The following CCSER2 variants were observed in gnomAD, a reference collection of about 807,000 sequenced individuals.
The protein encoded by CCSER2 is serine-rich coiled-coil domain-containing protein 2.
Under a neutral mutation model 92.3 loss-of-function variants are expected in CCSER2, and 46 were observed. The ratio of observed to expected loss-of-function variants is 0.50; its 90% CI spans 0.39 to 0.64. The LOEUF is 0.64. Ranked by LOEUF, CCSER2 falls within the 30% of genes least tolerant of loss-of-function variation. The pLI, the probability that CCSER2 is intolerant of heterozygous loss-of-function variation, is 0.00. For synonymous variants in CCSER2, 433 were observed against 431.4 expected (o/e 1.00, Z -0.04); for missense variants, 1,244 against 1,238.9 (o/e 1.00, Z -0.06).
chr10:84,376,126 A>G (rs565465144), intron 3 of CCSER2, among the ~76,000 whole-genome samples: 1 of 152,054 alleles, frequency 6.6e-6, no homozygotes. Flanking sequence ...TTCTGATGCA[A>G]TCTCCTAATC....
At position 84,474,831 on chromosome 10, in the gene CCSER2, T is replaced by A. The variant is rs1383558140; in HGVS notation, c.2236-2744T>A. 2.0e-5 allele frequency among the ~76,000 whole-genome samples: 3 copies of A among 152,218 alleles called. No homozygotes were observed. In the East Asian group the frequency reaches 5.8e-4, roughly 29 times the overall value. The stretch of plus-strand genomic sequence containing the variant: ...ACCCAGTGTAAATCAGTGCATATCT[T>A]ATGATGTTTTAAGTTCCGAGTAAAA... On this transcript the variant is annotated intron_variant, in intron 8 of 9. Coordinates refer to ENST00000372088, the MANE Select transcript of CCSER2 (RefSeq NM_001284240.2).
chr10:84,481,754 A>G (rs940730193), intron 9 of CCSER2, among the ~76,000 whole-genome samples: 3 of 152,082 alleles, frequency 2.0e-5, no homozygotes, highest in Admixed American at 6.5e-5. Context: ...TAAGGGGTCT[A>G]TCTTCTGCTT....
At chr10:84,391,784 T>TA (rs921510592) in intron 3 of CCSER2, 11 of 1,566,302 alleles carry the variant, frequency 7.0e-6, no homozygotes, top group African/African-American at 1.4e-5. Flanking sequence ...CTGAGAAACA[T>TA]AAGAGACAAT....
At chr10:84,465,790 G>T (rs1178449778) in intron 7 of CCSER2, among the ~76,000 whole-genome samples, 1 of 150,206 alleles carries the variant, frequency 6.7e-6, no homozygotes, top group Non-Finnish European at 1.5e-5. Context: ...TTGCTCTGTT[G>T]CCTAGGCTGG....
intron 3 of CCSER2, among the ~76,000 whole-genome samples, chr10:84,394,507 A>G (rs17103423): frequency 0.021 from 3,254 of 151,886 alleles, 94 homozygotes; most frequent in Admixed American, 0.073. Context: ...CCAGTTGGCC[A>G]AGGAAATTAG....
chr10:84,482,490 G>A (rs114650200), intron 9 of CCSER2, among the ~76,000 whole-genome samples: 3,630 of 152,198 alleles, frequency 0.024, 135 homozygotes, highest in African/African-American at 0.082. Flanking sequence ...TTAAAAATTA[G>A]CATTATCTTG....
intron 9 of CCSER2, among the ~76,000 whole-genome samples, chr10:84,483,992 TA>T (rs1847639935): frequency 8.7e-6 from 1 of 115,220 alleles, no homozygotes; most frequent in Non-Finnish European, 1.8e-5. Context: ...TATATATATA[TA>T]TATAATTTTT....
chr10:84,462,238 GT>G (rs1345986641), intron 6 of CCSER2, among the ~76,000 whole-genome samples: 1 of 152,138 alleles, frequency 6.6e-6, no homozygotes, highest in African/African-American at 2.4e-5. Flanking sequence ...GGTATTTTCT[GT>G]TTTGCTGGAC....
At chr10:84,435,317 CTTG>C (rs1002155107) in intron 5 of CCSER2, among the ~76,000 whole-genome samples, 2 of 152,144 alleles carry the variant, frequency 1.3e-5, no homozygotes, top group African/African-American at 4.8e-5. Context: ...GTGAACAAGA[CTTG>C]TTGACTCTTC....
chr10:84,348,926 C>T (rs2133058766), intron 1 of CCSER2, among the ~76,000 whole-genome samples: 1 of 151,924 alleles, frequency 6.6e-6, no homozygotes, highest in Middle Eastern at 3.4e-3. Flanking sequence ...CATATTATGG[C>T]CCTTTATCTC....
intron 9 of CCSER2, among the ~76,000 whole-genome samples, chr10:84,488,690 GC>G (rs537908692): frequency 9.9e-5 from 15 of 152,080 alleles, no homozygotes; most frequent in Non-Finnish European, 2.1e-4. Flanking sequence ...CAAAAAACCA[GC>G]TCCTGGATTC....
At chr10:84,360,892 A>G (rs1024039779) in intron 1 of CCSER2, among the ~76,000 whole-genome samples, 3 of 152,188 alleles carry the variant, frequency 2.0e-5, no homozygotes, top group Admixed American at 1.3e-4. Context: ...TACTTTAATC[A>G]GTTCTTGACC....
In CCSER2 at chr10:84,338,135, C is replaced by A. The variant is rs138299799; in HGVS notation, c.-40+9327C>A. Reference sequence around the variant, plus strand: ...ATCTCTACTAAAATACAGAATTAGCCGGGCATGGTGGTGCATGCCTGTAAT... The same window carrying A: ...ATCTCTACTAAAATACAGAATTAGCAGGGCATGGTGGTGCATGCCTGTAAT... On this transcript the variant is annotated intron_variant, in intron 1 of 9. Transcript: ENST00000372088. Among the ~76,000 whole-genome samples the A allele has an allele frequency of 4.4e-3, 674 of 151,820 alleles. 4 individuals are homozygous for A. Among genetic ancestry groups the A allele is most frequent in the African/African-American group, 0.015 (626 of 41,386 alleles).
At chr10:84,453,094 A>G (rs1194578598) in intron 6 of CCSER2, among the ~76,000 whole-genome samples, 1 of 152,204 alleles carries the variant, frequency 6.6e-6, no homozygotes, top group African/African-American at 2.4e-5. Context: ...AAGCATATTA[A>G]TAACTTAAAC....
intron 5 of CCSER2, among the ~76,000 whole-genome samples, chr10:84,428,985 G>GTGTA (rs367824329): frequency 1.6e-3 from 224 of 140,898 alleles, no homozygotes; most frequent in Non-Finnish European, 2.7e-3. Flanking sequence ...GTGTGTATGT[G>GTGTA]TATATATATA....
intron 1 of CCSER2, among the ~76,000 whole-genome samples, chr10:84,338,680 AG>A (rs1421780323): frequency 6.6e-6 from 1 of 152,210 alleles, no homozygotes; most frequent in Non-Finnish European, 1.5e-5. Flanking sequence ...TAAAAATAAA[AG>A]TTAAATTGCA....
At chr10:84,492,005 T>G (rs1231319995) in intron 9 of CCSER2, among the ~76,000 whole-genome samples, 1 of 152,174 alleles carries the variant, frequency 6.6e-6, no homozygotes, top group Admixed American at 6.5e-5. Context: ...CTGGGCCATG[T>G]GCGGTGGCTC....
rs893745155 is a variant in CCSER2 at position 84,343,011 on chromosome 10, A to G, written c.-40+14203A>G. Among the ~76,000 whole-genome samples the G allele has an allele frequency of 2.0e-5, 3 of 152,158 alleles. No homozygotes were observed. The East Asian group carries it at 5.8e-4, about 29-fold the overall frequency. ...CTTCAGCCTCCCAAGTAGCTAGGAT[A>G]ACAGGCACCTGCCACTACACTCAGC... On this transcript the variant is annotated intron_variant, in intron 1 of 9. Coordinates refer to ENST00000372088, the MANE Select transcript of CCSER2 (RefSeq NM_001284240.2).
In CCSER2 at chr10:84,373,673, C is replaced by G; in HGVS notation, c.1472C>G (p.Thr491Arg). ...TSGNNLVSPD[T>R]DYRAGSSFEL... ...GGGAATAATTTGGTTTCACCAGATA[C>G]AGACTACAGAGCTGGTTCTTCGTTT... The change falls in exon 3 of 10, where the codon ACA (threonine) becomes AGA (arginine). Residue 491 changes from threonine (T) to arginine (R), a missense_variant. Coordinates refer to ENST00000372088, the MANE Select transcript of CCSER2 (RefSeq NM_001284240.2). 3 of 1,613,502 alleles carry G rather than the reference C, an allele frequency of 1.9e-6. No homozygotes were observed. The highest frequency in any genetic ancestry group is 2.5e-6 in the Non-Finnish European group (3 of 1,179,604).
Sources: gnomAD v4.1 joint callset for allele counts (sites outside exome capture counted in the v4.1 genomes callset) on GRCh38, gnomAD v4.1.1 for gene constraint, MANE v1.5 for transcripts, NCBI Gene and HGNC (gene_info 2026-07-23, HGNC 2026-07-21) for gene names.